Variants in ARHGEF37 observed in about 807,000 individuals in gnomAD.
The protein encoded by ARHGEF37 is Rho guanine nucleotide exchange factor 37, also known as Rho guanine nucleotide exchange factor (GEF) 37.
ARHGEF37 carries 55 observed loss-of-function variants against 71.1 expected under a neutral mutation model. The observed-to-expected ratio is 0.77, with a 90% CI of 0.62 to 0.97. The LOEUF (loss-of-function observed/expected upper bound fraction) is 0.97. Ranked by LOEUF, ARHGEF37 falls within the 50% of genes least tolerant of loss-of-function variation. The probability of loss-of-function intolerance (pLI) is 0.00; values close to 1 mark genes in which losing one functional copy is unlikely to be tolerated. For missense variants in ARHGEF37, 765 were observed against 836.8 expected, an observed-to-expected ratio of 0.91 and a Z score of 1.06; for synonymous variants, 327 against 350.6, an observed-to-expected ratio of 0.93 and a Z score of 0.75.
chr5:149,620,252 A>G (rs1043413776), intron 7 of ARHGEF37, 102 bp from the exon 8 acceptor site: 3 of 750,122 alleles, frequency 4.0e-6, no homozygotes, highest in Non-Finnish European at 4.5e-6. Context: ...GGGGGTGTGT[A>G]GAGAGCCTGG....
chr5:149,571,243 A>AGTTTT (rs564646114), intron 1 of ARHGEF37, among the ~76,000 whole-genome samples: 239 of 151,788 alleles, frequency 1.6e-3, no homozygotes, highest in African/African-American at 5.2e-3. Flanking sequence ...CGTCCGGCCA[A>AGTTTT]GTTTTGTTTT....
chr5:149,613,629 G>A (rs1318936535), intron 4 of ARHGEF37, among the ~76,000 whole-genome samples: 9 of 152,208 alleles, frequency 5.9e-5, no homozygotes, highest in African/African-American at 2.2e-4. Context: ...ACAGGCGTGA[G>A]CCACGGCGCC....
In ARHGEF37 at chr5:149,618,319, C is replaced by T. The variant is rs569848605; in HGVS notation, c.789+13C>T. 27 of 1,613,950 alleles carry T rather than the reference C, an allele frequency of 1.7e-5. No individual in the cohort carries two copies. The South Asian group carries it at 2.2e-4, about 13-fold the overall frequency. ...GCTGATCCCCAGGGTGAGCGTGCGC[C>T]TGGGAGGAAGAGTCACATCCAGCCA... On this transcript the variant is annotated intron_variant, in intron 6 of 12. Transcript: ENST00000333677.
intron 1 of ARHGEF37, among the ~76,000 whole-genome samples, chr5:149,558,377 G>A (rs1762781143): frequency 6.6e-6 from 1 of 152,098 alleles, no homozygotes; most frequent in Non-Finnish European, 1.5e-5. Context: ...GTGGTGGCTT[G>A]CGCCTATAAT....
At chr5:149,616,037 G>A (rs1752365265) in intron 4 of ARHGEF37, among the ~76,000 whole-genome samples, 1 of 152,234 alleles carries the variant, frequency 6.6e-6, no homozygotes, top group Non-Finnish European at 1.5e-5. Flanking sequence ...CTAGTTGTAT[G>A]TGTCAGTCTG....
At chr5:149,601,037 A>T (rs1441248942) in intron 2 of ARHGEF37, 71 bp from the exon 3 acceptor site, 3 of 1,542,300 alleles carry the variant, frequency 1.9e-6, no homozygotes, top group Middle Eastern at 1.7e-4. Context: ...GTTCTGTCCT[A>T]CTCTCAAAAG....
chr5:149,577,509 C>A (rs1256801552), upstream of ARHGEF37, among the ~76,000 whole-genome samples: 1 of 152,164 alleles, frequency 6.6e-6, no homozygotes, highest in Non-Finnish European at 1.5e-5. Context: ...TCTGGAACAG[C>A]AAGTGATTCT....
chr5:149,556,389 T>TTTATTTAC (rs1486178203), intron 1 of ARHGEF37, among the ~76,000 whole-genome samples: 1 of 150,922 alleles, frequency 6.6e-6, no homozygotes, highest in East Asian at 1.9e-4. Context: ...TATTTATTTA[T>TTTATTTAC]TTATTTATTT....
rs1752511423 is a variant in ARHGEF37, at chr5:149,620,587, T to C, written c.1005+123T>C. 3 of 672,218 alleles carry C rather than the reference T, an allele frequency of 4.5e-6. No homozygotes were observed. The Admixed American group carries it at 1.0e-4, about 23-fold the overall frequency. 41.6% of individuals were successfully genotyped at this position (672,218 alleles called of 1,614,324 possible). On this transcript the variant is annotated intron_variant, in intron 8 of 12. Transcript: ENST00000333677. ...GCTCACGCCTGTAATCCCAGCACTTTGGGAGGCCGAGGCAGGCAGATTGCC... is the reference window on the plus strand; with the variant it reads ...GCTCACGCCTGTAATCCCAGCACTTCGGGAGGCCGAGGCAGGCAGATTGCC...
Position 149,621,880 on chromosome 5 carries a change from A to T in ARHGEF37, c.1153A>T (p.Thr385Ser). Residue 385 changes from threonine to serine, a missense_variant, in exon 9 of 13, where the codon ACC (threonine) becomes TCC (serine). This residue lies in a region of ARHGEF37 where 390 missense variants were observed against 407.4 expected (regional missense o/e 0.96). Transcript: ENST00000333677. ...GAAGCTGCTGGAGGTGGGCAGTGTG[A>T]CCTACCAGGAGGAGGCCGCCCGGCA... is the stretch of plus-strand genomic sequence containing the variant. ...EEKLLEVGSV[T>S]YQEEAARHTY... 6.2e-7 allele frequency: 1 copy of T among 1,614,210 alleles called. No individual in the cohort carries two copies.
intron 3 of ARHGEF37, among the ~76,000 whole-genome samples, chr5:149,609,334 A>G (rs772480900): frequency 6.6e-6 from 1 of 152,186 alleles, no homozygotes; most frequent in Non-Finnish European, 1.5e-5. Flanking sequence ...CCTAAGATGT[A>G]TATCATTCTG....
intron 1 of ARHGEF37, among the ~76,000 whole-genome samples, chr5:149,556,993 C>A (rs553129839): frequency 1.7e-4 from 26 of 152,306 alleles, no homozygotes; most frequent in African/African-American, 6.0e-4. Context: ...TTTCTTTAAT[C>A]AGTCCCTGTT....
chr5:149,583,692 C>G (rs1390031359), intron 1 of ARHGEF37, among the ~76,000 whole-genome samples: 22 of 152,210 alleles, frequency 1.4e-4, no homozygotes, highest in Admixed American at 1.4e-3. Context: ...GTAACAGAAG[C>G]AAAATGGCAT....
At chr5:149,625,595 C>A (rs1752661514) in intron 10 of ARHGEF37, among the ~76,000 whole-genome samples, 1 of 152,356 alleles carries the variant, frequency 6.6e-6, no homozygotes, top group South Asian at 2.1e-4. Flanking sequence ...CTCATTGGCC[C>A]CATCTGTCCC....
chr5:149,620,052 G>A (rs1752490420), intron 7 of ARHGEF37, among the ~76,000 whole-genome samples: 1 of 146,640 alleles, frequency 6.8e-6, no homozygotes, highest in African/African-American at 2.5e-5. Flanking sequence ...CAGCCTGGGT[G>A]ACAGAGTGAG....
chr5:149,592,356 T>G (rs1763431643), intron 1 of ARHGEF37, among the ~76,000 whole-genome samples: 1 of 152,236 alleles, frequency 6.6e-6, no homozygotes, highest in African/African-American at 2.4e-5. Flanking sequence ...CTGTTCTCTA[T>G]CTCTACAATT....
At chr5:149,575,013 G>A (rs909689654) in intron 1 of ARHGEF37, among the ~76,000 whole-genome samples, 1 of 152,100 alleles carries the variant, frequency 6.6e-6, no homozygotes, top group Admixed American at 6.6e-5. Flanking sequence ...ATATTATGCT[G>A]TTCTCATTCT....
At position 149,630,683 on chromosome 5, in the gene ARHGEF37, C is replaced by T. The variant is rs1037604036; in HGVS notation, c.1819-1299C>T. Among the ~76,000 whole-genome samples, 6 of 152,294 alleles carry T rather than the reference C, an allele frequency of 3.9e-5. 1 individual carries two copies. In the South Asian group the frequency reaches 6.2e-4, roughly 16 times the overall value. On this transcript the variant is annotated intron_variant, in intron 12 of 12. Coordinates refer to ENST00000333677, the MANE Select transcript of ARHGEF37 (RefSeq NM_001001669.3). ...CTGGGGACAGGAATGAGGTTACCCC[C>T]GCCGCCCAGCTCCAGTCAATGGGGG...
At chr5:149,588,162 G>T (rs1340756648) in intron 1 of ARHGEF37, among the ~76,000 whole-genome samples, 1 of 152,100 alleles carries the variant, frequency 6.6e-6, no homozygotes, top group African/African-American at 2.4e-5. Context: ...CTCCCAAAGT[G>T]CTGGGATTAC....
Sources: gnomAD v4.1 joint callset for allele counts (sites outside exome capture counted in the v4.1 genomes callset) on GRCh38, gnomAD v4.1.1 for gene constraint, gnomAD v4.1.1 regional missense constraint, MANE v1.5 for transcripts, NCBI Gene and HGNC (gene_info 2026-07-23, HGNC 2026-07-21) for gene names.